Variants in KCND3 observed in about 807,000 individuals in gnomAD.
KCND3 encodes the protein A-type voltage-gated potassium channel KCND3.
KCND3 carries 9 observed loss-of-function variants against 51.1 expected under a neutral mutation model. The ratio of observed to expected loss-of-function variants is 0.18; its 90% confidence interval spans 0.11 to 0.31. The LOEUF (loss-of-function observed/expected upper bound fraction) is 0.31, where lower values mean the gene tolerates loss of function less well. KCND3 is among the 10% of genes least tolerant of loss of function. The probability of loss-of-function intolerance (pLI) is 1.00; values close to 1 mark genes in which losing one functional copy is unlikely to be tolerated. For missense variants in KCND3, 526 were observed against 903.8 expected (o/e 0.58, Z 5.36); for synonymous variants, 349 against 368.0 (o/e 0.95, Z 0.59).
rs902301178 is a variant in KCND3, at chr1:111,904,824, G to A, written c.1106+76797C>T. ...CCATGGCGACCTCACACAGTGGAGC[G>A]GGGAGGGGACAGGGGCTTGACTCTG... On this transcript the variant is annotated intron_variant, in intron 2 of 7. Transcript: ENST00000302127. Among the ~76,000 whole-genome samples the A allele has an allele frequency of 1.1e-4, 17 of 152,318 alleles. No homozygotes were observed. In the East Asian group the frequency reaches 1.5e-3, roughly 14 times the overall value.
chr1:111,982,630 C>A lies in KCND3; in HGVS notation c.97G>T (p.Asp33Tyr), dbSNP rs751412424. ...AGCTCATCCTGCCGCTTGTTCTTGT[C>A]GGCCGGGGCCAGGGGCATGGGGCAG... is the stretch of plus-strand genomic sequence containing the variant. ...ANCPMPLAPA[D>Y]KNKRQDELIV... The change falls in exon 2 of 8, where the codon GAC becomes TAC. Residue 33 changes from aspartate (D) to tyrosine (Y), a missense_variant. By Grantham distance (160) the Asp-to-Tyr change is radical (BLOSUM62 -3). Around this residue, in one of 5 missense-constraint regions of KCND3, gnomAD observed 159 missense variants for 262.8 expected, o/e 0.61. Transcript: ENST00000302127. The surrounding 1 kb of genome is among the most constrained non-coding windows in gnomAD (Gnocchi z 8.5). The A allele has an allele frequency of 2.5e-6, 4 of 1,613,844 alleles. No individual in the cohort carries two copies. The highest frequency in any genetic ancestry group is 3.4e-6 in the Non-Finnish European group (4 of 1,179,894).
At chr1:111,913,323 T>G (rs555068731) in intron 2 of KCND3, among the ~76,000 whole-genome samples, 1 of 152,310 alleles carries the variant, frequency 6.6e-6, no homozygotes, top group South Asian at 2.1e-4. Context: ...TTCAACTAAA[T>G]TGCCCAACAA....
chr1:111,781,750 G>A (rs1664398604), intron 3 of KCND3, among the ~76,000 whole-genome samples: 1 of 152,116 alleles, frequency 6.6e-6, no homozygotes, highest in East Asian at 1.9e-4. Flanking sequence ...ATGCAGGAGG[G>A]CTGCATGGTA....
At chr1:111,831,201 T>A (rs1345901819) in intron 2 of KCND3, among the ~76,000 whole-genome samples, 1 of 152,266 alleles carries the variant, frequency 6.6e-6, no homozygotes, top group Non-Finnish European at 1.5e-5. Context: ...TTGTCCTGAA[T>A]GCCTTTACCT....
chr1:111,878,385 G>C (rs1385722720), intron 2 of KCND3, among the ~76,000 whole-genome samples: 2 of 152,182 alleles, frequency 1.3e-5, no homozygotes, highest in African/African-American at 4.8e-5. Context: ...GGAGACATGG[G>C]GACTCTGCTT....
intron 2 of KCND3, among the ~76,000 whole-genome samples, chr1:111,841,358 C>T (rs1053220498): frequency 1.2e-4 from 18 of 152,194 alleles, no homozygotes; most frequent in African/African-American, 4.1e-4. Context: ...GCGTTCCATC[C>T]AACAGAGAGG....
intron 1 of KCND3, among the ~76,000 whole-genome samples, chr1:111,986,696 A>G (rs1411923187): frequency 6.6e-6 from 1 of 152,258 alleles, no homozygotes; most frequent in African/African-American, 2.4e-5. Flanking sequence ...TCTATAGCTT[A>G]GGTCTCATTG....
At chr1:111,807,382 C>A (rs1006716836) in intron 2 of KCND3, among the ~76,000 whole-genome samples, 2 of 152,138 alleles carry the variant, frequency 1.3e-5, no homozygotes, top group Non-Finnish European at 2.9e-5. Flanking sequence ...GTATTCAGTA[C>A]GATAACATGC....
intron 2 of KCND3, among the ~76,000 whole-genome samples, chr1:111,849,367 G>C (rs1289907964): frequency 6.6e-6 from 1 of 152,322 alleles, no homozygotes; most frequent in East Asian, 1.9e-4. Context: ...GCTAAGCCCA[G>C]GGGATCTGGC....
At chr1:111,848,680 A>G (rs1422531899) in intron 2 of KCND3, among the ~76,000 whole-genome samples, 2 of 152,180 alleles carry the variant, frequency 1.3e-5, no homozygotes, top group African/African-American at 2.4e-5. Context: ...CCCACCCAGC[A>G]GAAGTCCTGA....
chr1:111,970,758 A>G (rs999807780), intron 2 of KCND3, among the ~76,000 whole-genome samples: 2 of 152,188 alleles, frequency 1.3e-5, no homozygotes, highest in African/African-American at 4.8e-5. Context: ...ATCTTCTCAT[A>G]TGTAGAATGG....
chr1:111,878,306 A>C (rs1557994430), intron 2 of KCND3, among the ~76,000 whole-genome samples: 2 of 152,250 alleles, frequency 1.3e-5, no homozygotes, highest in African/African-American at 4.8e-5. Context: ...TGCCAGCCAC[A>C]ATATGGCCTG....
intron 2 of KCND3, among the ~76,000 whole-genome samples, chr1:111,830,744 A>T (rs1666798083): frequency 6.6e-6 from 1 of 152,262 alleles, no homozygotes; most frequent in Admixed American, 6.5e-5. Flanking sequence ...CCACTCTTCC[A>T]GGTTTTTTAA....
chr1:111,951,612 G>A (rs1044348792), intron 2 of KCND3, among the ~76,000 whole-genome samples: 7 of 152,122 alleles, frequency 4.6e-5, no homozygotes, highest in African/African-American at 1.7e-4. Context: ...GCCAAGTACT[G>A]GCCAACATGT....
chr1:111,884,607 A>G (rs1355326583), intron 2 of KCND3, among the ~76,000 whole-genome samples: 1 of 152,174 alleles, frequency 6.6e-6, no homozygotes, highest in African/African-American at 2.4e-5. Flanking sequence ...GGACAAACTG[A>G]TTCCCATGAG....
chr1:111,945,772 A>T (rs1391039548), intron 2 of KCND3, among the ~76,000 whole-genome samples: 1 of 152,166 alleles, frequency 6.6e-6, no homozygotes, highest in Non-Finnish European at 1.5e-5. Context: ...TTGCAGGGTG[A>T]TGTTTACTAA....
intron 2 of KCND3, among the ~76,000 whole-genome samples, chr1:111,814,115 C>A (rs1381775178): frequency 2.6e-5 from 4 of 152,210 alleles, no homozygotes; most frequent in Non-Finnish European, 5.9e-5. Context: ...CAGCAGGAAG[C>A]CCACAATCCA....
At chr1:111,924,861 C>A (rs1312193584) in intron 2 of KCND3, among the ~76,000 whole-genome samples, 1 of 152,236 alleles carries the variant, frequency 6.6e-6, no homozygotes, top group Non-Finnish European at 1.5e-5. Context: ...TGATTGCTGT[C>A]TCCTACCTGG....
chr1:111,976,582 G>T (rs1002962019), intron 2 of KCND3, among the ~76,000 whole-genome samples: 1 of 152,192 alleles, frequency 6.6e-6, no homozygotes. Flanking sequence ...ATGATCTCTG[G>T]AACAGAGAGC....
Sources: allele counts gnomAD v4.1 joint callset (sites outside exome capture counted in the v4.1 genomes callset), GRCh38; gene constraint gnomAD v4.1.1; regional missense constraint gnomAD v4.1.1; non-coding constraint Gnocchi (gnomAD v3.1); transcripts MANE v1.5; gene names NCBI Gene and HGNC (gene_info 2026-07-23, HGNC 2026-07-21).